The following RNF185 variants were observed in gnomAD, a reference collection of about 807,000 sequenced individuals.
RNF185 encodes E3 ubiquitin-protein ligase RNF185.
RNF185 carries 13 observed loss-of-function variants against 24.9 expected under a neutral mutation model. The observed-to-expected ratio is 0.52, with a 90% CI of 0.34 to 0.83. The LOEUF (loss-of-function observed/expected upper bound fraction) is 0.83. RNF185 is among the 40% of genes least tolerant of loss of function. RNF185 has a pLI of 0.01. For missense variants in RNF185, 184 were observed against 244.7 expected (o/e 0.75, Z 1.65); for synonymous variants, 79 against 90.3 (o/e 0.88, Z 0.71).
At chr22:31,189,401 C>T (rs1201955931) in intron 2 of RNF185, among the ~76,000 whole-genome samples, 7 of 135,620 alleles carry the variant, frequency 5.2e-5, no homozygotes, top group Non-Finnish European at 9.1e-5. Context: ...AAGTGGTTCT[C>T]CTGTCTCAGC....
intron 1 of RNF185, among the ~76,000 whole-genome samples, chr22:31,176,752 T>G (rs1852499192): frequency 6.6e-6 from 1 of 152,326 alleles, no homozygotes; most frequent in Admixed American, 6.5e-5. Context: ...CCTCCCAAAC[T>G]GCTGAGATTG....
chr22:31,184,773 G>A (rs928281897), intron 1 of RNF185, among the ~76,000 whole-genome samples: 1 of 152,120 alleles, frequency 6.6e-6, no homozygotes, highest in Non-Finnish European at 1.5e-5. Flanking sequence ...AAACCAGTCA[G>A]GTGTGGCGGC....
chr22:31,189,247 A>G (rs2048131513), intron 2 of RNF185, among the ~76,000 whole-genome samples: 1 of 142,256 alleles, frequency 7.0e-6, no homozygotes, highest in South Asian at 2.2e-4. Flanking sequence ...TATATTAACT[A>G]TACATATATT....
At chr22:31,163,660 A>AT (rs776315774) in intron 1 of RNF185, among the ~76,000 whole-genome samples, 15 of 139,798 alleles carry the variant, frequency 1.1e-4, no homozygotes, top group Admixed American at 3.5e-4. Context: ...ATTTTATTTT[A>AT]TTTATTTATT....
chr22:31,202,714 G>T (rs568128268), intron 6 of RNF185, among the ~76,000 whole-genome samples: 1 of 142,786 alleles, frequency 7.0e-6, no homozygotes, highest in African/African-American at 2.6e-5. Context: ...CCAGGTTTAC[G>T]CCATTCTCCT....
At chr22:31,166,532 G>A (rs2147919561) in intron 1 of RNF185, among the ~76,000 whole-genome samples, 1 of 151,762 alleles carries the variant, frequency 6.6e-6, no homozygotes, top group South Asian at 2.1e-4. Flanking sequence ...ATGTCTCCAT[G>A]TTTTTGCCAG....
rs571864039 is a variant in RNF185 at position 31,176,379 on chromosome 22, A to G, written c.-48-10668A>G. 1.9e-3 allele frequency among the ~76,000 whole-genome samples: 296 copies of G among 151,822 alleles called. 3 individuals are homozygous for G. The highest frequency in any genetic ancestry group is 6.3e-3 in the African/African-American group (262 of 41,418). On this transcript the variant is annotated intron_variant, in intron 1 of 6. Transcript: ENST00000326132. ...CTGCTCCAAATCCTGGGCTCAAGCA[A>G]TCTTCCTGCCTCAGCCTCCCAAAGT... is the stretch of plus-strand genomic sequence containing the variant.
chr22:31,164,417 T>G (rs1450260818), intron 1 of RNF185, among the ~76,000 whole-genome samples: 1 of 152,196 alleles, frequency 6.6e-6, no homozygotes, highest in East Asian at 1.9e-4. Context: ...ACAAGAAATT[T>G]AACATTAATA....
At chr22:31,193,353 G>A (rs1327791186) in intron 3 of RNF185, among the ~76,000 whole-genome samples, 1 of 152,190 alleles carries the variant, frequency 6.6e-6, no homozygotes, top group African/African-American at 2.4e-5. Flanking sequence ...GCGGGACCTG[G>A]TAGTACATAT....
chr22:31,201,060 A>G (rs2048258936), intron 5 of RNF185, among the ~76,000 whole-genome samples: 1 of 152,204 alleles, frequency 6.6e-6, no homozygotes, highest in African/African-American at 2.4e-5. Flanking sequence ...TAGAGTTTCA[A>G]CATTTTTGCT....
At chr22:31,174,923 A>G (rs1484488551) in intron 1 of RNF185, among the ~76,000 whole-genome samples, 1 of 151,888 alleles carries the variant, frequency 6.6e-6, no homozygotes, top group African/African-American at 2.4e-5. Flanking sequence ...TACCAAAAAA[A>G]TTAGTTGGGT....
intron 3 of RNF185, 91 bp downstream of exon 3, chr22:31,192,793 T>A: frequency 8.2e-7 from 1 of 1,214,604 alleles, no homozygotes; most frequent in East Asian, 2.3e-5. Flanking sequence ...GAAGCTGCAA[T>A]CTGCCCTGCT....
intron 2 of RNF185, among the ~76,000 whole-genome samples, chr22:31,188,650 G>A (rs539299816): frequency 1.3e-5 from 2 of 151,672 alleles, no homozygotes; most frequent in African/African-American, 4.8e-5. Context: ...AACATAGTGA[G>A]GCCCCACTAT....
At chr22:31,196,174 C>T (rs557921391) in intron 4 of RNF185, among the ~76,000 whole-genome samples, 15 of 152,244 alleles carry the variant, frequency 9.9e-5, no homozygotes, top group South Asian at 8.3e-4. Flanking sequence ...TTCTTCCCTC[C>T]CCAGTCCTGC....
chr22:31,182,825 G>A (rs993036515), intron 1 of RNF185: 8 of 151,810 alleles, frequency 5.3e-5, no homozygotes, highest in African/African-American at 1.9e-4. Flanking sequence ...CCACATTCTG[G>A]ATTTGGCTGA....
At chr22:31,201,244 G>A (rs2147965342) in intron 5 of RNF185, among the ~76,000 whole-genome samples, 1 of 152,376 alleles carries the variant, frequency 6.6e-6, no homozygotes, top group South Asian at 2.1e-4. Flanking sequence ...CTGGGTCAGA[G>A]CCAGTCCTTT....
chr22:31,178,795 T>A (rs1413764318), intron 1 of RNF185, among the ~76,000 whole-genome samples: 1 of 152,224 alleles, frequency 6.6e-6, no homozygotes, highest in African/African-American at 2.4e-5. Context: ...GTGATTAATT[T>A]ACTCTGTACT....
intron 3 of RNF185, 147 bp from the exon 4 acceptor site, chr22:31,195,322 A>G: frequency 1.7e-6 from 1 of 573,092 alleles, no homozygotes; most frequent in South Asian, 2.2e-5. Context: ...TAGGAGAAGG[A>G]ATGGGAGTCA....
At chr22:31,203,632 G>C (rs2048284419) in intron 6 of RNF185, among the ~76,000 whole-genome samples, 1 of 152,186 alleles carries the variant, frequency 6.6e-6, no homozygotes, top group African/African-American at 2.4e-5. Flanking sequence ...TTAATCACCT[G>C]GTTTATTTGC....
Sources: gnomAD v4.1 joint callset for allele counts (sites outside exome capture counted in the v4.1 genomes callset) on GRCh38, gnomAD v4.1.1 for gene constraint, MANE v1.5 for transcripts, NCBI Gene and HGNC (gene_info 2026-07-23, HGNC 2026-07-21) for gene names.